Variants in CAMSAP2 observed in about 807,000 individuals in gnomAD.
The protein encoded by CAMSAP2 is calmodulin-regulated spectrin-associated protein 2.
In CAMSAP2, 26 loss-of-function variants were observed where a neutral mutation model predicts 146.1. That is an observed-to-expected ratio of 0.18 (90% confidence interval 0.13 to 0.25). The LOEUF (loss-of-function observed/expected upper bound fraction) is 0.25, where lower values mean the gene tolerates loss of function less well. Ranked by LOEUF, CAMSAP2 falls within the 10% of genes least tolerant of loss-of-function variation. The probability of loss-of-function intolerance (pLI) is 1.00; values close to 1 mark genes in which losing one functional copy is unlikely to be tolerated. For missense variants in CAMSAP2, 1,381 were observed against 1,759.3 expected, an observed-to-expected ratio of 0.78 and a Z score of 3.85; for synonymous variants, 499 against 596.6, an observed-to-expected ratio of 0.84 and a Z score of 2.38.
intron 12 of CAMSAP2, 101 bp downstream of exon 12, chr1:200,852,778 A>G (rs900611134): frequency 6.0e-5 from 73 of 1,225,630 alleles, no homozygotes; most frequent in African/African-American, 1.1e-4. Context: ...TCTCTCATTA[A>G]TTTTTATTAA....
chr1:200,826,238 C>A (rs1022411458), intron 4 of CAMSAP2, among the ~76,000 whole-genome samples: 2 of 151,996 alleles, frequency 1.3e-5, no homozygotes, highest in Admixed American at 6.6e-5. Context: ...CAAGACCAGC[C>A]TGGCCAACAT....
chr1:200,752,333 A>G (rs1203992461), intron 1 of CAMSAP2, among the ~76,000 whole-genome samples: 1 of 152,184 alleles, frequency 6.6e-6, no homozygotes, highest in Non-Finnish European at 1.5e-5. Flanking sequence ...TGCTTAATGT[A>G]TCTATACTGT....
intron 6 of CAMSAP2, among the ~76,000 whole-genome samples, chr1:200,837,477 C>T (rs1372009479): frequency 2.0e-5 from 3 of 152,020 alleles, no homozygotes; most frequent in African/African-American, 7.2e-5. Context: ...TTACTGTAGC[C>T]CTGTAATATA....
At chr1:200,787,014 C>T (rs376498922) in intron 2 of CAMSAP2, among the ~76,000 whole-genome samples, 53 of 147,398 alleles carry the variant, frequency 3.6e-4, no homozygotes, top group African/African-American at 1.3e-3. Context: ...GAGACCTGCT[C>T]AGAAAAAAAA....
rs1436531942 is a variant in CAMSAP2, at chr1:200,860,476, GTTACAGTTTTAT to G, written c.*2420_*2431del. On this transcript the variant is annotated 3_prime_UTR_variant, in exon 17 of 17. Coordinates refer to ENST00000358823, the MANE Select transcript of CAMSAP2 (RefSeq NM_203459.4). ...TTTTCCGTTTTGTATTAGAATGACT[GTTACAGTTTTAT>G]TTGGCTGTTTAAAGCCAAATTCAGC... is the stretch of plus-strand genomic sequence containing the variant. The G allele has an allele frequency of 3.3e-5, 5 of 152,594 alleles. No homozygotes were observed. Among genetic ancestry groups the G allele is most frequent in the Admixed American group, 6.5e-5 (1 of 15,274 alleles). 9.5% of individuals were successfully genotyped at this position (152,594 alleles called of 1,614,324 possible).
In CAMSAP2 at chr1:200,850,168, T is replaced by C. The variant is rs1482854825; in HGVS notation, c.3399T>C (p.Tyr1133=). The C allele has an allele frequency of 6.2e-6, 10 of 1,606,734 alleles. No homozygotes were observed. In the South Asian group the frequency reaches 1.1e-4, roughly 18 times the overall value. ...PEKADVPVEK[Y]DGESDKEQFD... The stretch of plus-strand genomic sequence containing the variant: ...AGGCTGATGTACCTGTTGAAAAATA[T>C]GATGGAGAAAGTGATAAAGAACAAT... Residue 1133 remains tyrosine (Y), a synonymous_variant, in exon 11 of 17, where the codon TAT becomes TAC. Transcript: ENST00000358823.
At chr1:200,753,125 T>C (rs1044647677) in intron 1 of CAMSAP2, among the ~76,000 whole-genome samples, 1 of 151,752 alleles carries the variant, frequency 6.6e-6, no homozygotes, top group South Asian at 2.1e-4. Flanking sequence ...TGAAAACCCA[T>C]CTCTACTAAG....
At chr1:200,764,508 C>T (rs1664886874) in intron 2 of CAMSAP2, among the ~76,000 whole-genome samples, 1 of 151,910 alleles carries the variant, frequency 6.6e-6, no homozygotes, top group African/African-American at 2.4e-5. Flanking sequence ...TGTATTTCTG[C>T]ACTATTAACA....
chr1:200,756,456 G>GAAAAAAAGAAA (rs1036324861), intron 1 of CAMSAP2, among the ~76,000 whole-genome samples: 1 of 144,506 alleles, frequency 6.9e-6, no homozygotes, highest in South Asian at 2.2e-4. Flanking sequence ...CTTTCTCAAA[G>GAAAAAAAGAAA]AAAAAAAGAA....
chr1:200,838,311 T>C (rs1279399890), intron 6 of CAMSAP2, among the ~76,000 whole-genome samples: 1 of 152,210 alleles, frequency 6.6e-6, no homozygotes, highest in African/African-American at 2.4e-5. Context: ...TTAACTAGGC[T>C]AGTAAAATGG....
At chr1:200,792,365 T>TA (rs939344961) in intron 2 of CAMSAP2, among the ~76,000 whole-genome samples, 4 of 152,144 alleles carry the variant, frequency 2.6e-5, no homozygotes, top group South Asian at 2.1e-4. Context: ...ATGCTAAGTT[T>TA]AAAAAAGCCA....
chr1:200,755,906 G>A (rs1664635472), intron 1 of CAMSAP2, among the ~76,000 whole-genome samples: 4 of 152,144 alleles, frequency 2.6e-5, no homozygotes. Flanking sequence ...ACATTTAACT[G>A]AGATCTGAAT....
chr1:200,764,132 GT>G (rs987387745), intron 2 of CAMSAP2, among the ~76,000 whole-genome samples: 463 of 151,616 alleles, frequency 3.1e-3, no homozygotes, highest in African/African-American at 0.01. Flanking sequence ...TAAATTAACA[GT>G]TTTTTTTTCC....
intron 2 of CAMSAP2, among the ~76,000 whole-genome samples, chr1:200,790,896 G>A (rs1437390679): frequency 6.6e-6 from 1 of 151,918 alleles, no homozygotes. Flanking sequence ...CCAGGCTGGA[G>A]TGCAATGGTG....
intron 1 of CAMSAP2, among the ~76,000 whole-genome samples, chr1:200,741,685 A>G (rs1326113288): frequency 2.0e-5 from 3 of 152,232 alleles, no homozygotes; most frequent in Non-Finnish European, 2.9e-5. Flanking sequence ...AAAATGGCCT[A>G]CTTTCTGGGT....
chr1:200,793,751 C>T (rs1226810367), intron 2 of CAMSAP2, among the ~76,000 whole-genome samples: 4 of 151,784 alleles, frequency 2.6e-5, no homozygotes, highest in Non-Finnish European at 5.9e-5. Context: ...ATTGATCCCT[C>T]TTCAGTTTCT....
intron 4 of CAMSAP2, among the ~76,000 whole-genome samples, chr1:200,816,868 G>GTATATA (rs1558191208): frequency 2.9e-5 from 2 of 69,442 alleles, no homozygotes; most frequent in Non-Finnish European, 5.5e-5. Context: ...GTGTGTATGT[G>GTATATA]TGTACACACA....
intron 4 of CAMSAP2, among the ~76,000 whole-genome samples, chr1:200,822,205 G>A (rs1235885985): frequency 1.3e-5 from 2 of 150,520 alleles, no homozygotes; most frequent in East Asian, 3.9e-4. Flanking sequence ...TTCAAAGAAG[G>A]TTGCATATAT....
In CAMSAP2 at chr1:200,761,073, A is replaced by T; in HGVS notation, c.374A>T (p.Asp125Val). 1 of 1,614,162 alleles carries T rather than the reference A, an allele frequency of 6.2e-7. No individual in the cohort carries two copies. The highest frequency in any genetic ancestry group is 8.5e-7 in the Non-Finnish European group (1 of 1,180,018). ...TDQEKLVTER[D>V]LHKKPIQMSA... The stretch of plus-strand genomic sequence containing the variant: ...CAGGAAAAATTGGTAACTGAACGAG[A>T]TCTCCACAAGAAACCCATACAGATG... The change falls in exon 2 of 17, where the codon GAT becomes GTT. Residue 125 changes from aspartate to valine, a missense_variant. By Grantham distance (152) the Asp-to-Val change is radical. Coordinates refer to ENST00000358823, the MANE Select transcript of CAMSAP2 (RefSeq NM_203459.4).
Sources: gnomAD v4.1 joint callset for allele counts (sites outside exome capture counted in the v4.1 genomes callset) on GRCh38, gnomAD v4.1.1 for gene constraint, MANE v1.5 for transcripts, NCBI Gene and HGNC (gene_info 2026-07-23, HGNC 2026-07-21) for gene names.